SUCNR1: variants seen among roughly 807,000 people sequenced by gnomAD.
SUCNR1 encodes succinate receptor 1.
Under a neutral mutation model 2.4 loss-of-function variants are expected in SUCNR1, and 5 were observed. That is an observed-to-expected ratio of 2.07 (90% confidence interval 1.08 to 4.36). The LOEUF is 4.36. SUCNR1 is among the 30% of genes most tolerant of loss of function. The pLI, the probability that SUCNR1 is intolerant of heterozygous loss-of-function variation, is 0.00. For synonymous variants in SUCNR1, 162 were observed against 143.9 expected, an observed-to-expected ratio of 1.13 and a Z score of -0.90; for missense variants, 373 against 399.2, an observed-to-expected ratio of 0.93 and a Z score of 0.56.
chr3:151,881,628 A>G lies in SUCNR1; in HGVS notation c.*80A>G. On this transcript the variant is annotated 3_prime_UTR_variant, in exon 3 of 3. Transcript: ENST00000362032. Reference sequence around the variant, plus strand: ...GCCTTAACTCATAGACATCAATCAGAGAGTGTCACAGATTTAACCTTGATC... The same window carrying G: ...GCCTTAACTCATAGACATCAATCAGGGAGTGTCACAGATTTAACCTTGATC... 1 of 1,270,704 alleles carries G rather than the reference A, an allele frequency of 7.9e-7. No individual in the cohort carries two copies. Among genetic ancestry groups the G allele is most frequent in the Middle Eastern group, 2.2e-4 (1 of 4,566 alleles). 78.7% of individuals were successfully genotyped at this position (1,270,704 alleles called of 1,614,324 possible). A position where few individuals can be genotyped will look rare whatever the true frequency, so the allele number is the denominator to read the frequency against.
Position 151,880,844 on chromosome 3 carries a change from G to A in SUCNR1, c.301G>A (p.Val101Met). 1 of 1,614,102 alleles carries A rather than the reference G, an allele frequency of 6.2e-7. No individual in the cohort carries two copies. Among genetic ancestry groups the A allele is most frequent in the South Asian group, 1.1e-5 (1 of 91,088 alleles). The change falls in exon 3 of 3, where the codon GTG (valine) becomes ATG (methionine). Residue 101 changes from valine to methionine, a missense_variant. This residue lies in a region of SUCNR1 where 184 missense variants were observed against 162.2 expected (regional missense o/e 1.13). Transcript: ENST00000362032. ...GDVLCISNRY[V>M]LHANLYTSIL... is the part of the protein sequence containing the mutation. ...CGTGCTCTGCATAAGCAACCGATAT[G>A]TGCTTCATGCCAACCTCTATACCAG...
intron 1 of SUCNR1, among the ~76,000 whole-genome samples, chr3:151,877,059 A>C (rs540315463): frequency 2.0e-5 from 3 of 152,288 alleles, no homozygotes; most frequent in African/African-American, 7.2e-5. Context: ...ACTTGAACAG[A>C]GGCCTGAGAG....
chr3:151,879,874 T>A lies in SUCNR1; in HGVS notation c.-19T>A, dbSNP rs548705996. Reference sequence around the variant, plus strand: ...TAGGTTATGGTTTAACTCAGCAGAATTTGTTGAACAACTACGACATGCTGG... The same window carrying A: ...TAGGTTATGGTTTAACTCAGCAGAAATTGTTGAACAACTACGACATGCTGG... On this transcript the variant is annotated 5_prime_UTR_variant, in exon 2 of 3. Coordinates refer to ENST00000362032, the MANE Select transcript of SUCNR1 (RefSeq NM_033050.6). 5.7e-6 allele frequency: 9 copies of A among 1,572,984 alleles called. No individual in the cohort carries two copies. In the Admixed American group the frequency reaches 1.6e-4, roughly 28 times the overall value.
In SUCNR1 at chr3:151,884,361, C is replaced by T. The variant is rs983045783; in HGVS notation, c.*2813C>T. The stretch of plus-strand genomic sequence containing the variant: ...AGATGTTTGAGCATAGTTTTAATGA[C>T]TGTTTGAAATCTCTGTCTCCTAGTT... On this transcript the variant is annotated 3_prime_UTR_variant, in exon 3 of 3. Transcript: ENST00000362032. The T allele has an allele frequency of 5.3e-5, 8 of 152,246 alleles. No homozygotes were observed. Among genetic ancestry groups the T allele is most frequent in the Admixed American group, 4.6e-4 (7 of 15,300 alleles). The allele number at this position is 152,246 out of a possible 1,614,324, so 9.4% of individuals were successfully genotyped here.
intron 1 of SUCNR1, among the ~76,000 whole-genome samples, chr3:151,875,938 C>A (rs1265163495): frequency 6.6e-6 from 1 of 152,168 alleles, no homozygotes; most frequent in East Asian, 1.9e-4. Flanking sequence ...TTGCACAAGT[C>A]TTTGTGGCTA....
chr3:151,877,258 T>A (rs1576663861), intron 1 of SUCNR1, among the ~76,000 whole-genome samples: 2 of 131,932 alleles, frequency 1.5e-5, no homozygotes, highest in South Asian at 4.9e-4. Flanking sequence ...AGGGGCCAGA[T>A]CATGCAGACC....
intron 1 of SUCNR1, among the ~76,000 whole-genome samples, chr3:151,878,294 G>A (rs995280663): frequency 1.3e-5 from 2 of 152,098 alleles, no homozygotes; most frequent in Non-Finnish European, 2.9e-5. Context: ...TTGAAATGAT[G>A]AGAGTGTTTA....
intron 2 of SUCNR1, 60 bp downstream of exon 2, chr3:151,879,967 T>C: frequency 3.0e-6 from 4 of 1,342,468 alleles, no homozygotes; most frequent in East Asian, 2.5e-5. Flanking sequence ...TTATCATACG[T>C]TCCCTTTGTT....
chr3:151,880,597 G>C lies in SUCNR1; in HGVS notation c.54G>C (p.Glu18Asp), dbSNP rs1468599936. 4 of 1,611,518 alleles carry C rather than the reference G, an allele frequency of 2.5e-6. No homozygotes were observed. The highest frequency in any genetic ancestry group is 2.5e-6 in the Non-Finnish European group (3 of 1,178,754). ...NATCKNWLAAEAALEKYYLSI... is the reference protein window; with the variant it reads ...NATCKNWLAADAALEKYYLSI... ...CTTGCAAAAACTGGCTGGCAGCAGAGGCTGCCCTGGAAAAGTACTACCTTT... is the reference window on the plus strand; with the variant it reads ...CTTGCAAAAACTGGCTGGCAGCAGACGCTGCCCTGGAAAAGTACTACCTTT... The change falls in exon 3 of 3, where the codon GAG becomes GAC. Residue 18 changes from glutamate (E) to aspartate (D), a missense_variant. Physicochemically the swap from Glu to Asp is conservative, Grantham distance 45. Around this residue, in one of 3 missense-constraint regions of SUCNR1, gnomAD observed 184 missense variants for 162.2 expected, o/e 1.13. Coordinates refer to ENST00000362032, the MANE Select transcript of SUCNR1 (RefSeq NM_033050.6).
Position 151,876,240 on chromosome 3 carries a change from A to G in SUCNR1, c.-42+2534A>G, listed in dbSNP as rs1717920556. Among the ~76,000 whole-genome samples, 2 of 152,176 alleles carry G rather than the reference A, an allele frequency of 1.3e-5. 1 individual carries two copies. The highest frequency in any genetic ancestry group is 4.1e-4 in the South Asian group (2 of 4,832). On this transcript the variant is annotated intron_variant, in intron 1 of 2. Coordinates refer to ENST00000362032, the MANE Select transcript of SUCNR1 (RefSeq NM_033050.6). ...GGATTAAGCCACAAAAGAGCATGAA[A>G]ATGGAGAAAGGAGGAAAACAAGGAG...
rs1301093105 is a variant in SUCNR1 at position 151,874,140 on chromosome 3, ATATATATTTTTTTTT to A, written c.-42+436_-42+450del. ...CATATACATACATATATATATATATATATATATTTTTTTTTTTTTTTTTTTTTTTTAAGACAGAGT... is the reference window on the plus strand; with the variant it reads ...CATATACATACATATATATATATATATTTTTTTTTTTTTTTAAGACAGAGT... On this transcript the variant is annotated intron_variant, in intron 1 of 2. Coordinates refer to ENST00000362032, the MANE Select transcript of SUCNR1 (RefSeq NM_033050.6). 2.6e-3 allele frequency among the ~76,000 whole-genome samples: 159 copies of A among 62,216 alleles called. 2 individuals carry two copies. Among genetic ancestry groups the A allele is most frequent in the Non-Finnish European group, 3.8e-3 (118 of 30,708 alleles). 40.8% of individuals were successfully genotyped at this position (62,216 alleles called of 152,430 possible).
intron 2 of SUCNR1, among the ~76,000 whole-genome samples, 174 bp downstream of exon 2, chr3:151,880,081 T>C (rs73168928): frequency 0.14 from 21,813 of 152,194 alleles, 1,617 homozygotes; most frequent in Middle Eastern, 0.19. Context: ...GATATGTCTC[T>C]TTCACTTTCT....
chr3:151,878,805 A>C (rs1442764836), intron 1 of SUCNR1, among the ~76,000 whole-genome samples: 2 of 152,208 alleles, frequency 1.3e-5, no homozygotes, highest in Admixed American at 1.3e-4. Context: ...CAATTCTGTG[A>C]CTTATTTTCA....
intron 1 of SUCNR1, among the ~76,000 whole-genome samples, chr3:151,875,886 C>T (rs1717910188): frequency 6.6e-6 from 1 of 152,150 alleles, no homozygotes. Context: ...TCATGTGACC[C>T]GTCACCTGCC....
Position 151,883,768 on chromosome 3 carries a change from T to A in SUCNR1, c.*2220T>A, listed in dbSNP as rs1384447478. On this transcript the variant is annotated 3_prime_UTR_variant, in exon 3 of 3. Transcript: ENST00000362032. ...TTGTCTTTTAATTGGCTCCCTGGTATCTTCAGAATGATGTCTAGATTCTTC... is the reference window on the plus strand; with the variant it reads ...TTGTCTTTTAATTGGCTCCCTGGTAACTTCAGAATGATGTCTAGATTCTTC... 1 of 152,016 alleles carries A rather than the reference T, an allele frequency of 6.6e-6. No homozygotes were observed. The highest frequency in any genetic ancestry group is 1.5e-5 in the Non-Finnish European group (1 of 67,956). 9.4% of individuals were successfully genotyped at this position (152,016 alleles called of 1,614,324 possible).
chr3:151,874,348 TG>T (rs1717860559), intron 1 of SUCNR1, among the ~76,000 whole-genome samples: 1 of 151,324 alleles, frequency 6.6e-6, no homozygotes, highest in African/African-American at 2.4e-5. Flanking sequence ...CTATTTTTTT[TG>T]GATTTTTTAG....
intron 1 of SUCNR1, among the ~76,000 whole-genome samples, chr3:151,874,146 A>ATATATATTT (rs1261567808): frequency 1.7e-5 from 1 of 60,214 alleles, no homozygotes; most frequent in East Asian, 4.4e-4. Flanking sequence ...ATATATATAT[A>ATATATATTT]TTTTTTTTTT....
Position 151,881,384 on chromosome 3 carries a change from C to A in SUCNR1, c.841C>A (p.Arg281=), listed in dbSNP as rs199755765. The A allele has an allele frequency of 2.0e-5, 32 of 1,614,074 alleles. No homozygotes were observed. The Admixed American group carries it at 2.5e-4, about 13-fold the overall frequency. ...VVINSFYIVT[R]PLAFLNSVIN... ...CATCAACTCCTTTTACATTGTGACA[C>A]GGCCTTTGGCCTTTCTGAACAGTGT... is the stretch of plus-strand genomic sequence containing the variant. Residue 281 remains arginine, a synonymous_variant, in exon 3 of 3, where the codon CGG becomes AGG. Coordinates refer to ENST00000362032, the MANE Select transcript of SUCNR1 (RefSeq NM_033050.6).
chr3:151,879,343 G>A (rs1718014437), intron 1 of SUCNR1, among the ~76,000 whole-genome samples: 1 of 152,164 alleles, frequency 6.6e-6, no homozygotes, highest in Non-Finnish European at 1.5e-5. Context: ...TAATATTGGT[G>A]TCTCCTCAAA....
Sources: gnomAD v4.1 joint callset for allele counts (sites outside exome capture counted in the v4.1 genomes callset) on GRCh38, gnomAD v4.1.1 for gene constraint, gnomAD v4.1.1 regional missense constraint, MANE v1.5 for transcripts, NCBI Gene and HGNC (gene_info 2026-07-23, HGNC 2026-07-21) for gene names.